Variants in NEIL2 observed in about 807,000 individuals in gnomAD.
The protein encoded by NEIL2 is nei like DNA glycosylase 2.
NEIL2 carries 23 observed loss-of-function variants against 22.2 expected under a neutral mutation model. The ratio of observed to expected loss-of-function variants is 1.04; its 90% CI spans 0.75 to 1.47. The LOEUF (loss-of-function observed/expected upper bound fraction) is 1.47. NEIL2 is among the 40% of genes most tolerant of loss of function. NEIL2 has a pLI of 0.00. For missense variants in NEIL2, 583 were observed against 404.7 expected (o/e 1.44, Z -3.78); for synonymous variants, 229 against 164.8 (o/e 1.39, Z -2.99).
At position 11,786,320 on chromosome 8, in the gene NEIL2, A is replaced by C; in HGVS notation, c.*47A>C. The C allele has an allele frequency of 6.4e-7, 1 of 1,568,546 alleles. No homozygotes were observed. The highest frequency in any genetic ancestry group is 8.7e-7 in the Non-Finnish European group (1 of 1,151,744). The stretch of plus-strand genomic sequence containing the variant: ...GGAACCTTGCCGCTTGGGGAACCTG[A>C]CGTCTAAGTGTCCAGAAAGGAGGAT... On this transcript the variant is annotated 3_prime_UTR_variant, in exon 5 of 5. Coordinates refer to ENST00000284503, the MANE Select transcript of NEIL2 (RefSeq NM_145043.4).
At chr8:11,778,998 A>T (rs8191602) in intron 2 of NEIL2, among the ~76,000 whole-genome samples, 1 of 143,026 alleles carries the variant, frequency 7.0e-6, no homozygotes, top group Admixed American at 7.2e-5. Flanking sequence ...CACATTTTCT[A>T]TATTTATTTT....
chr8:11,784,539 A>G (rs1010003990), intron 4 of NEIL2, among the ~76,000 whole-genome samples: 2 of 152,316 alleles, frequency 1.3e-5, no homozygotes, highest in East Asian at 3.9e-4. Flanking sequence ...TGTGACTATG[A>G]GGCTCTTGGA....
intron 2 of NEIL2, among the ~76,000 whole-genome samples, chr8:11,771,911 C>G (rs1803485421): frequency 6.6e-6 from 1 of 152,132 alleles, no homozygotes; most frequent in Non-Finnish European, 1.5e-5. Context: ...GAATTAAGGA[C>G]AGAGCAGAAC....
In NEIL2 at chr8:11,769,943, C is replaced by G. The variant is rs1221124529; in HGVS notation, c.-395C>G. On this transcript the variant is annotated 5_prime_UTR_variant, in exon 1 of 5. Coordinates refer to ENST00000284503, the MANE Select transcript of NEIL2 (RefSeq NM_145043.4). ...TGGAGGCCCCCACTGACCCTCAGAC[C>G]CGCGTCTGCGCCCCTCTCCCCGCAC... 1 of 152,376 alleles carries G rather than the reference C, an allele frequency of 6.6e-6. No individual in the cohort carries two copies. The highest frequency in any genetic ancestry group is 2.4e-5 in the African/African-American group (1 of 41,452). 9.4% of individuals were successfully genotyped at this position (152,376 alleles called of 1,614,324 possible).
At chr8:11,775,009 A>G (rs1376092103) in intron 2 of NEIL2, among the ~76,000 whole-genome samples, 1 of 152,190 alleles carries the variant, frequency 6.6e-6, no homozygotes, top group Non-Finnish European at 1.5e-5. Flanking sequence ...GCAGGGTGCA[A>G]GCTGTCAGTA....
At chr8:11,770,502 G>A (rs1370076933) in intron 1 of NEIL2, among the ~76,000 whole-genome samples, 167 bp downstream of exon 1, 1 of 152,214 alleles carries the variant, frequency 6.6e-6, no homozygotes, top group Non-Finnish European at 1.5e-5. Context: ...TGAGAATGCC[G>A]AGATTGTGAG....
At chr8:11,776,486 G>C (rs1000485662) in intron 2 of NEIL2, among the ~76,000 whole-genome samples, 6 of 152,240 alleles carry the variant, frequency 3.9e-5, no homozygotes, top group African/African-American at 1.2e-4. Context: ...GACTTCTATG[G>C]ATAATGCTGC....
At position 11,779,843 on chromosome 8, in the gene NEIL2, G is replaced by A; in HGVS notation, c.384G>A (p.Gly128=). 6.2e-7 allele frequency: 1 copy of A among 1,614,224 alleles called. No homozygotes were observed. Residue 128 remains glycine, a synonymous_variant, in exon 3 of 5, where the codon GGG becomes GGA. Transcript: ENST00000284503. ...LERDAPAGDA[G]RWLRVSFGLF... ...GAGACGCCCCTGCAGGAGATGCTGG[G>A]AGGTGGCTGCGTGTCAGCTTTGGTT...
Position 11,786,462 on chromosome 8 carries a change from CT to C in NEIL2, c.*193del. ...TTCATAGGGTTAGATTTTTTTTATC[CT>C]TTTCTAGTTCAGTTAATTCATCCTG... On this transcript the variant is annotated 3_prime_UTR_variant, in exon 5 of 5. Transcript: ENST00000284503. The C allele has an allele frequency of 3.2e-6, 2 of 628,914 alleles. No homozygotes were observed. The highest frequency in any genetic ancestry group is 5.6e-6 in the Non-Finnish European group (2 of 354,518). The allele number at this position is 628,914 out of a possible 1,614,324, so 39.0% of individuals were successfully genotyped here.
chr8:11,781,943 A>G (rs1203820398), intron 3 of NEIL2, among the ~76,000 whole-genome samples: 1 of 152,130 alleles, frequency 6.6e-6, no homozygotes, highest in East Asian at 1.9e-4. Context: ...GCATACCTGT[A>G]GTCCCAGTTA....
rs557431586 is a variant in NEIL2, at chr8:11,772,584, C to A, written c.138+999C>A. 6.6e-5 allele frequency among the ~76,000 whole-genome samples: 10 copies of A among 152,318 alleles called. No individual in the cohort carries two copies. The East Asian group carries it at 1.9e-3, about 29-fold the overall frequency. On this transcript the variant is annotated intron_variant, in intron 2 of 4. Coordinates refer to ENST00000284503, the MANE Select transcript of NEIL2 (RefSeq NM_145043.4). ...CTTCCAGGACATCATGTACTTCCTC[C>A]TGTTCTTCCCTTTTTACTGAGTTGT...
intron 3 of NEIL2, chr8:11,782,915 A>T: frequency 6.4e-6 from 3 of 471,468 alleles, no homozygotes; most frequent in Non-Finnish European, 1.2e-5. Context: ...CGATGTGGGG[A>T]TGTGTGTATG....
chr8:11,772,521 C>CT (rs1393682478), intron 2 of NEIL2, among the ~76,000 whole-genome samples: 1 of 152,230 alleles, frequency 6.6e-6, no homozygotes, highest in African/African-American at 2.4e-5. Flanking sequence ...GAAGCCTGCC[C>CT]TGTCTGCTTT....
In NEIL2 at chr8:11,786,553, A is replaced by C. The variant is rs1010950170; in HGVS notation, c.*280A>C. The C allele has an allele frequency of 4.0e-6, 2 of 501,894 alleles. No homozygotes were observed. The highest frequency in any genetic ancestry group is 7.2e-6 in the Non-Finnish European group (2 of 276,372). The allele number at this position is 501,894 out of a possible 1,614,324, so 31.1% of individuals were successfully genotyped here. A position where few individuals can be genotyped will look rare whatever the true frequency, so the allele number is the denominator to read the frequency against. ...GATGGGTAAGGGGAAAACTTCCCGG[A>C]AGGCAATGGGGCAAGGAAAAAGAAA... On this transcript the variant is annotated 3_prime_UTR_variant, in exon 5 of 5. Transcript: ENST00000284503.
At chr8:11,771,380 C>T (rs200704044) in intron 1 of NEIL2, 66 bp from the exon 2 acceptor site, 26 of 1,597,204 alleles carry the variant, frequency 1.6e-5, no homozygotes, top group Non-Finnish European at 2.0e-5. Context: ...ATGCTTGGCA[C>T]CTGTTAAAGA....
chr8:11,782,968 G>T, intron 3 of NEIL2: 1 of 597,720 alleles, frequency 1.7e-6, no homozygotes, highest in Non-Finnish European at 3.1e-6. Flanking sequence ...CTATGTTGTG[G>T]TAATGATGTG....
Position 11,779,918 on chromosome 8 carries a change from C to G in NEIL2, c.459C>G (p.Asn153Lys). 1 of 1,614,096 alleles carries G rather than the reference C, an allele frequency of 6.2e-7. No homozygotes were observed. The highest frequency in any genetic ancestry group is 8.5e-7 in the Non-Finnish European group (1 of 1,179,984). ...ATTTCTCCAGAGCCAAGAAAGCCAA[C>G]AAGAGGGGGGACTGGAGGGACCCTT... ...VNDFSRAKKA[N>K]KRGDWRDPSP... Residue 153 changes from asparagine to lysine, a missense_variant, in exon 3 of 5, where the codon AAC becomes AAG. Coordinates refer to ENST00000284503, the MANE Select transcript of NEIL2 (RefSeq NM_145043.4).
intron 2 of NEIL2, among the ~76,000 whole-genome samples, chr8:11,779,100 T>A (rs1159196772): frequency 6.6e-6 from 1 of 152,144 alleles, no homozygotes; most frequent in Admixed American, 6.5e-5. Context: ...AATTTTTGTT[T>A]CAGTATCTAA....
At chr8:11,773,036 G>C (rs930822428) in intron 2 of NEIL2, among the ~76,000 whole-genome samples, 2 of 152,160 alleles carry the variant, frequency 1.3e-5, no homozygotes, top group Non-Finnish European at 2.9e-5. Context: ...TCGGAGAAGG[G>C]AGTACTTAGC....
Sources: allele counts gnomAD v4.1 joint callset (sites outside exome capture counted in the v4.1 genomes callset), GRCh38; gene constraint gnomAD v4.1.1; transcripts MANE v1.5; gene names NCBI Gene and HGNC (gene_info 2026-07-23, HGNC 2026-07-21).